Variants in RBFOX1 observed in about 807,000 individuals in gnomAD.
The protein encoded by RBFOX1 is RNA binding protein fox-1 homolog 1.
RBFOX1 carries 8 observed loss-of-function variants against 57.7 expected under a neutral mutation model. The ratio of observed to expected loss-of-function variants is 0.14; its 90% CI spans 0.08 to 0.25. RBFOX1 has a LOEUF of 0.25. Among genes scored for constraint, RBFOX1 ranks in the 10% least tolerant of loss-of-function variants. RBFOX1 has a pLI of 1.00. For missense variants in RBFOX1, 611 were observed against 548.5 expected (o/e 1.11, Z -1.14); for synonymous variants, 326 against 222.4 (o/e 1.47, Z -4.15).
intron 4 of RBFOX1, among the ~76,000 whole-genome samples, chr16:7,385,321 G>C (rs1018504377): frequency 2.6e-5 from 4 of 152,166 alleles, no homozygotes; most frequent in Non-Finnish European, 5.9e-5. Context: ...GGGTCATAGT[G>C]GTTTGAACTG....
At chr16:7,202,010 A>T (rs2088652966) in intron 4 of RBFOX1, among the ~76,000 whole-genome samples, 1 of 152,142 alleles carries the variant, frequency 6.6e-6, no homozygotes, top group Admixed American at 6.6e-5. Flanking sequence ...ATATGCATAA[A>T]TGTAGAATTT....
At chr16:6,558,171 C>T (rs749608386) in intron 2 of RBFOX1, among the ~76,000 whole-genome samples, 2 of 152,068 alleles carry the variant, frequency 1.3e-5, no homozygotes, top group East Asian at 1.9e-4. Flanking sequence ...GGGAGGAGTG[C>T]GATAGAGCTG....
intron 4 of RBFOX1, among the ~76,000 whole-genome samples, chr16:5,972,663 C>T (rs78913971): frequency 2.2e-4 from 34 of 152,286 alleles, no homozygotes; most frequent in Admixed American, 5.9e-4. Context: ...GGGAACATGT[C>T]CTGTTCATTA....
intron 3 of RBFOX1, among the ~76,000 whole-genome samples, chr16:5,636,694 C>A (rs1353638714): frequency 6.6e-6 from 1 of 152,128 alleles, no homozygotes; most frequent in African/African-American, 2.4e-5. Context: ...GAGATCATAC[C>A]CTTGGAAGGG....
chr16:7,508,880 G>T (rs1028027885), intron 4 of RBFOX1, among the ~76,000 whole-genome samples: 1 of 152,124 alleles, frequency 6.6e-6, no homozygotes, highest in Non-Finnish European at 1.5e-5. Flanking sequence ...CCATAGCAAG[G>T]AGCCTTGGTG....
chr16:7,396,389 T>A (rs532510135), intron 4 of RBFOX1, among the ~76,000 whole-genome samples: 2 of 152,298 alleles, frequency 1.3e-5, no homozygotes, highest in South Asian at 4.2e-4. Context: ...CTATGCATTT[T>A]ATTCTTCTGT....
intron 2 of RBFOX1, among the ~76,000 whole-genome samples, chr16:5,538,743 T>C (rs895948790): frequency 6.6e-6 from 1 of 151,896 alleles, no homozygotes; most frequent in African/African-American, 2.4e-5. Flanking sequence ...TGTCCTGCCT[T>C]AGACTCCCGA....
intron 3 of RBFOX1, among the ~76,000 whole-genome samples, chr16:6,997,089 C>G (rs940535544): frequency 2.0e-5 from 3 of 151,976 alleles, no homozygotes; most frequent in African/African-American, 7.3e-5. Flanking sequence ...GCAGGAAGTA[C>G]CTTTTGTTGT....
At chr16:7,359,398 TTGTG>T (rs55808553) in intron 4 of RBFOX1, among the ~76,000 whole-genome samples, 6 of 151,876 alleles carry the variant, frequency 4.0e-5, no homozygotes, top group African/African-American at 1.2e-4. Context: ...CTCTGTGTGT[TTGTG>T]TGCACATGTG....
intron 2 of RBFOX1, among the ~76,000 whole-genome samples, chr16:6,422,685 C>T (rs1477396148): frequency 1.3e-5 from 2 of 152,078 alleles, no homozygotes; most frequent in Admixed American, 6.6e-5. Flanking sequence ...CGGCGCTGAA[C>T]GCTTTTAAAC....
intron 3 of RBFOX1, among the ~76,000 whole-genome samples, chr16:6,691,383 C>T (rs2060184057): frequency 6.6e-6 from 1 of 152,188 alleles, no homozygotes; most frequent in Non-Finnish European, 1.5e-5. Flanking sequence ...CTGTCCATTT[C>T]CACCTTCCCA....
At chr16:7,376,641 G>T (rs1486668855) in intron 4 of RBFOX1, among the ~76,000 whole-genome samples, 2 of 152,060 alleles carry the variant, frequency 1.3e-5, no homozygotes, top group Admixed American at 6.6e-5. Flanking sequence ...TTGGTTTCTG[G>T]GTCATTTGAA....
intron 4 of RBFOX1, among the ~76,000 whole-genome samples, chr16:5,943,185 G>A (rs2152267667): frequency 6.6e-6 from 1 of 152,302 alleles, no homozygotes; most frequent in African/African-American, 2.4e-5. Context: ...GTGCTTCTAG[G>A]TGTAGCCCCT....
intron 4 of RBFOX1, among the ~76,000 whole-genome samples, chr16:7,496,309 A>G (rs1432617955): frequency 6.6e-6 from 1 of 152,034 alleles, no homozygotes; most frequent in Non-Finnish European, 1.5e-5. Context: ...CATCTGTCTA[A>G]TTTTTGTATT....
chr16:6,105,082 G>C (rs895330810), intron 1 of RBFOX1, among the ~76,000 whole-genome samples: 1 of 152,172 alleles, frequency 6.6e-6, no homozygotes, highest in African/African-American at 2.4e-5. Flanking sequence ...AGCCAAGAAG[G>C]AGATGGTGAC....
intron 1 of RBFOX1, among the ~76,000 whole-genome samples, chr16:5,394,971 T>G (rs1051721713): frequency 7.2e-5 from 11 of 152,196 alleles, no homozygotes; most frequent in Non-Finnish European, 4.4e-5. Context: ...AATCTGATGG[T>G]GTTGCCCTCT....
intron 2 of RBFOX1, among the ~76,000 whole-genome samples, chr16:5,489,517 G>C (rs1337574385): frequency 6.6e-6 from 1 of 152,178 alleles, no homozygotes; most frequent in African/African-American, 2.4e-5. Context: ...TGATGTCCTT[G>C]TTTTTCCTTT....
chr16:6,494,554 TATATATGTACC>T (rs2095713091), intron 2 of RBFOX1, among the ~76,000 whole-genome samples: 1 of 152,228 alleles, frequency 6.6e-6, no homozygotes, highest in Non-Finnish European at 1.5e-5. Context: ...TTGCATGGTA[TATATATGTACC>T]ACAGCTTAAC....
Position 6,399,699 on chromosome 16 carries a change from C to T in RBFOX1, c.-64+82642C>T, listed in dbSNP as rs149653632. ...ATCTTTACAGCAGTGCACTCCACTA[C>T]CTCAATAACAGCTTATGTATTAGTT... On this transcript the variant is annotated intron_variant, in intron 2 of 15. Transcript: ENST00000550418. Among the ~76,000 whole-genome samples the T allele has an allele frequency of 2.1e-3, 327 of 152,174 alleles. 1 individual carries two copies. Among genetic ancestry groups the T allele is most frequent in the African/African-American group, 5.7e-3 (237 of 41,506 alleles).
Sources: allele counts gnomAD v4.1 joint callset (sites outside exome capture counted in the v4.1 genomes callset), GRCh38; gene constraint gnomAD v4.1.1; transcripts MANE v1.5; gene names NCBI Gene and HGNC (gene_info 2026-07-23, HGNC 2026-07-21).